DYNLT3: variants seen among roughly 807,000 people sequenced by gnomAD.
The protein encoded by DYNLT3 is dynein light chain Tctex-type 3.
In DYNLT3, 4 loss-of-function variants were observed where a neutral mutation model predicts 11.0. The observed-to-expected ratio is 0.36, with a 90% CI of 0.18 to 0.83. The LOEUF is 0.83. DYNLT3 is among the 40% of genes least tolerant of loss of function. DYNLT3 has a pLI of 0.47. For synonymous variants in DYNLT3, 37 were observed against 31.2 expected, an observed-to-expected ratio of 1.18 and a Z score of -0.61; for missense variants, 91 against 91.1, an observed-to-expected ratio of 1.00 and a Z score of 0.01.
At chrX:37,845,169 T>A (rs1930243464) in intron 2 of DYNLT3, among the ~76,000 whole-genome samples, 1 of 112,237 alleles carries the variant, frequency 8.9e-6, no homozygotes, top group African/African-American at 3.2e-5. Context: ...GCTTTTACAT[T>A]GTAAAGGTAT....
chrX:37,839,059 A>C lies in DYNLT3; in HGVS notation c.*1516T>G, dbSNP rs1358472444. On this transcript the variant is annotated 3_prime_UTR_variant, in exon 5 of 5. Transcript: ENST00000378578. ...AGAATTTTTGATGTGCCAAAAACAA[A>C]GATCACTGCATTAAACTCCTTTATT... 1.8e-5 allele frequency: 2 copies of C among 112,026 alleles called. No homozygotes were observed. Among genetic ancestry groups the C allele is most frequent in the Non-Finnish European group, 3.8e-5 (2 of 53,250 alleles). The allele number at this position is 112,026 out of a possible 1,213,427, so 9.2% of individuals were successfully genotyped here.
chrX:37,840,848 C>T (rs1213427917), intron 4 of DYNLT3, among the ~76,000 whole-genome samples, 180 bp downstream of exon 4: 2 of 108,315 alleles, frequency 1.8e-5, no homozygotes, highest in Non-Finnish European at 3.8e-5. Context: ...TTATTTCCTT[C>T]AACCTGTTAA....
chrX:37,840,978 T>G, intron 4 of DYNLT3, 50 bp downstream of exon 4: 1 of 1,161,275 alleles, frequency 8.6e-7, no homozygotes, highest in Non-Finnish European at 1.2e-6. Context: ...AAGTGCAGTT[T>G]GACTTTGCTA....
intron 2 of DYNLT3, among the ~76,000 whole-genome samples, chrX:37,842,528 G>C (rs1345348459): frequency 9.0e-6 from 1 of 111,657 alleles, no homozygotes; most frequent in Non-Finnish European, 1.9e-5. Flanking sequence ...GCTCTAGAAA[G>C]ATAAAGTCAA....
In DYNLT3 at chrX:37,841,460, G is replaced by A. The variant is rs1018963491; in HGVS notation, c.196+322C>T. 8.1e-5 allele frequency among the ~76,000 whole-genome samples: 9 copies of A among 110,760 alleles called. No individual in the cohort carries two copies. The East Asian group carries it at 2.5e-3, about 31-fold the overall frequency. ...ACTCCACTTTATAAACAGTTGCTGT[G>A]TGGAATTACAGGTAAAGAGGCATGG... On this transcript the variant is annotated intron_variant, in intron 3 of 4. Transcript: ENST00000378578.
Position 37,841,243 on chromosome X carries a change from C to T in DYNLT3, c.197-138G>A, listed in dbSNP as rs187044998. ...AACAAACAAAAAACAGAAAACAAAG[C>T]GTTCAGCAAATAGATTGAAAAAAAA... On this transcript the variant is annotated intron_variant, in intron 3 of 4. Coordinates refer to ENST00000378578, the MANE Select transcript of DYNLT3 (RefSeq NM_006520.3). The T allele has an allele frequency of 1.6e-4, 68 of 436,333 alleles. No individual in the cohort carries two copies. In the Admixed American group the frequency reaches 2.1e-3, roughly 13 times the overall value. 36.0% of individuals were successfully genotyped at this position (436,333 alleles called of 1,213,427 possible).
chrX:37,842,008 C>T, intron 2 of DYNLT3, 103 bp from the exon 3 acceptor site: 1 of 780,757 alleles, frequency 1.3e-6, no homozygotes, highest in Non-Finnish European at 1.7e-6. Flanking sequence ...ATAAAATATA[C>T]TTATAGCTCA....
chrX:37,840,935 A>G, intron 4 of DYNLT3, 93 bp downstream of exon 4: 1 of 934,458 alleles, frequency 1.1e-6, no homozygotes, highest in Non-Finnish European at 1.5e-6. Context: ...TCTTTTCAGA[A>G]TTTAATCAGA....
chrX:37,839,575 T>C lies in DYNLT3; in HGVS notation c.*1000A>G. 1 of 112,685 alleles carries C rather than the reference T, an allele frequency of 8.9e-6. No individual in the cohort carries two copies. The highest frequency in any genetic ancestry group is 1.9e-5 in the Non-Finnish European group (1 of 53,227). The allele number at this position is 112,685 out of a possible 1,213,427, so 9.3% of individuals were successfully genotyped here. A position where few individuals can be genotyped will look rare whatever the true frequency, so the allele number is the denominator to read the frequency against. On this transcript the variant is annotated 3_prime_UTR_variant, in exon 5 of 5. Transcript: ENST00000378578. ...TTAACTAAGAGTTGCATATTTTATA[T>C]GCACTTTTAACTTGCTAGGAGCAAC...
At chrX:37,846,802 C>G (rs1333333608) in intron 1 of DYNLT3, among the ~76,000 whole-genome samples, 2 of 111,843 alleles carry the variant, frequency 1.8e-5, no homozygotes, top group Non-Finnish European at 3.8e-5. Flanking sequence ...GCAAAAATTT[C>G]TAGGCAAAAA....
chrX:37,845,892 C>T (rs1166678762), intron 2 of DYNLT3, among the ~76,000 whole-genome samples: 2 of 112,308 alleles, frequency 1.8e-5, no homozygotes, highest in East Asian at 2.8e-4. Flanking sequence ...TGTTCTTGGC[C>T]GGGTGTGGTG....
intron 2 of DYNLT3, among the ~76,000 whole-genome samples, chrX:37,843,059 T>TTAAG (rs769367839): frequency 8.9e-6 from 1 of 112,010 alleles, no homozygotes; most frequent in Admixed American, 9.4e-5. Context: ...ATACAAAATC[T>TTAAG]TAAGTTGGAT....
intron 4 of DYNLT3, among the ~76,000 whole-genome samples, 186 bp from the exon 5 acceptor site, chrX:37,840,837 C>T (rs1930140715): frequency 9.4e-6 from 1 of 106,768 alleles, no homozygotes; most frequent in African/African-American, 3.4e-5. Flanking sequence ...GTTTTAATAT[C>T]TTATTTCCTT....
At chrX:37,844,970 T>C in intron 2 of DYNLT3, among the ~76,000 whole-genome samples, 1 of 112,437 alleles carries the variant, frequency 8.9e-6, no homozygotes, top group Middle Eastern at 4.6e-3. Flanking sequence ...GGCTCTTTTT[T>C]CTTTTCATTT....
intron 3 of DYNLT3, 37 bp from the exon 4 acceptor site, chrX:37,841,142 C>T: frequency 3.5e-6 from 4 of 1,152,880 alleles, no homozygotes; most frequent in Non-Finnish European, 4.7e-6. Context: ...CACTTACAGA[C>T]AAAGGAAAAG....
Position 37,847,471 on chromosome X carries a change from G to C in DYNLT3, c.30+10C>G. On this transcript the variant is annotated intron_variant, in intron 1 of 4. Transcript: ENST00000378578. ...GTGGGGGGCGCTCCCAGGTAGCCAA[G>C]GGGCGGTACCTCGTCGCAGTGGCGA... The C allele has an allele frequency of 6.0e-6, 6 of 1,004,213 alleles. No individual in the cohort carries two copies. Among genetic ancestry groups the C allele is most frequent in the Non-Finnish European group, 7.6e-6 (6 of 791,282 alleles). 82.8% of individuals were successfully genotyped at this position (1,004,213 alleles called of 1,213,427 possible).
intron 2 of DYNLT3, among the ~76,000 whole-genome samples, chrX:37,844,525 C>G (rs1930232279): frequency 8.9e-6 from 1 of 112,366 alleles, no homozygotes; most frequent in Non-Finnish European, 1.9e-5. Flanking sequence ...CACCCGCCCC[C>G]TTCTCTCAAT....
intron 2 of DYNLT3, among the ~76,000 whole-genome samples, chrX:37,843,186 G>A (rs953117468): frequency 1.4e-4 from 16 of 112,518 alleles, no homozygotes; most frequent in Middle Eastern, 9.3e-3. Context: ...ACATGACAAA[G>A]TAGGAAGGGT....
intron 2 of DYNLT3, among the ~76,000 whole-genome samples, chrX:37,843,245 T>G (rs1181012002): frequency 8.9e-6 from 1 of 112,467 alleles, no homozygotes; most frequent in Non-Finnish European, 1.9e-5. Context: ...GCTTTACCAT[T>G]CCTAAGCTGG....
Sources: gnomAD v4.1 joint callset for allele counts (sites outside exome capture counted in the v4.1 genomes callset) on GRCh38, gnomAD v4.1.1 for gene constraint, MANE v1.5 for transcripts, NCBI Gene and HGNC (gene_info 2026-07-23, HGNC 2026-07-21) for gene names.